The following B4GALT6 variants were observed in gnomAD, a reference collection of about 807,000 sequenced individuals.
B4GALT6 encodes beta-1,4-galactosyltransferase 6, also known as UDP-Gal:beta-GlcNAc beta-1,4-galactosyltransferase 6.
B4GALT6 carries 14 observed loss-of-function variants against 46.3 expected under a neutral mutation model. That is an observed-to-expected ratio of 0.30 (90% CI 0.20 to 0.47). The LOEUF (loss-of-function observed/expected upper bound fraction) is 0.47, where lower values mean the gene tolerates loss of function less well. B4GALT6 is among the 20% of genes least tolerant of loss of function. The pLI is 0.99. For synonymous variants in B4GALT6, 168 were observed against 162.0 expected (o/e 1.04, Z -0.28); for missense variants, 386 against 480.1 (o/e 0.80, Z 1.83).
chr18:31,636,938 AG>A (rs1220177292), intron 5 of B4GALT6, among the ~76,000 whole-genome samples: 1 of 152,214 alleles, frequency 6.6e-6, no homozygotes, highest in Non-Finnish European at 1.5e-5. Context: ...TCCCTGCCTC[AG>A]CTTCCCAAGT....
intron 1 of B4GALT6, among the ~76,000 whole-genome samples, chr18:31,673,284 G>C (rs926917790): frequency 1.3e-5 from 2 of 151,960 alleles, no homozygotes; most frequent in African/African-American, 4.8e-5. Context: ...AAAAAACAAA[G>C]GAGAGTGAAA....
At chr18:31,656,229 G>A (rs2074136919) in intron 3 of B4GALT6, among the ~76,000 whole-genome samples, 1 of 151,918 alleles carries the variant, frequency 6.6e-6, no homozygotes. Flanking sequence ...AATATGATAG[G>A]CAAAGGCTAA....
intron 1 of B4GALT6, among the ~76,000 whole-genome samples, chr18:31,674,593 A>G (rs2074395083): frequency 6.6e-6 from 1 of 152,230 alleles, no homozygotes; most frequent in East Asian, 1.9e-4. Flanking sequence ...CTAAGAATTT[A>G]TGATAATCTT....
chr18:31,642,735 G>A (rs2073945074), intron 4 of B4GALT6, among the ~76,000 whole-genome samples: 1 of 152,204 alleles, frequency 6.6e-6, no homozygotes, highest in Non-Finnish European at 1.5e-5. Context: ...CCAGTCTGGA[G>A]CGCAGTGGGC....
At chr18:31,689,971 C>T (rs147679378), upstream of B4GALT6, among the ~76,000 whole-genome samples, 10 of 152,246 alleles carry the variant, frequency 6.6e-5, no homozygotes, top group South Asian at 2.1e-4. Flanking sequence ...TTGAATTCTA[C>T]GCAGTGTTAC....
intron 5 of B4GALT6, among the ~76,000 whole-genome samples, chr18:31,631,812 T>G (rs941466138): frequency 1.3e-5 from 2 of 152,264 alleles, no homozygotes; most frequent in Middle Eastern, 3.4e-3. Context: ...AAAAAACAAT[T>G]GGAACTTACT....
At chr18:31,660,282 CA>C (rs1239074063) in intron 2 of B4GALT6, among the ~76,000 whole-genome samples, 1 of 151,868 alleles carries the variant, frequency 6.6e-6, no homozygotes, top group Non-Finnish European at 1.5e-5. Flanking sequence ...ACATATATAC[CA>C]AAATTCTTGT....
chr18:31,702,774 CTT>C, the B4GALT6 span, among the ~76,000 whole-genome samples: 1 of 152,228 alleles, frequency 6.6e-6, no homozygotes, highest in Admixed American at 6.5e-5. Context: ...CTTCTCTTCT[CTT>C]CGCTCATCTT....
intron 3 of B4GALT6, among the ~76,000 whole-genome samples, chr18:31,650,364 G>A (rs963553391): frequency 2.6e-4 from 40 of 152,192 alleles, no homozygotes; most frequent in African/African-American, 8.9e-4. Flanking sequence ...CCACCATTGG[G>A]TCCTGCCTTT....
chr18:31,692,810 A>G, the B4GALT6 span, among the ~76,000 whole-genome samples: 27 of 152,186 alleles, frequency 1.8e-4, no homozygotes, highest in Non-Finnish European at 1.0e-4. Flanking sequence ...CATTAGAACT[A>G]ACAGAAGAGA....
chr18:31,672,558 G>C (rs2074368076), intron 1 of B4GALT6, among the ~76,000 whole-genome samples: 1 of 152,162 alleles, frequency 6.6e-6, no homozygotes, highest in African/African-American at 2.4e-5. Flanking sequence ...CTAAAGAAGA[G>C]GGAGAGGTAA....
intron 1 of B4GALT6, among the ~76,000 whole-genome samples, chr18:31,668,264 C>T (rs2074306363): frequency 6.6e-6 from 1 of 152,052 alleles, no homozygotes; most frequent in African/African-American, 2.4e-5. Flanking sequence ...ACACTGGGTA[C>T]TCATGAACAA....
At chr18:31,661,305 A>G (rs2074212818) in intron 2 of B4GALT6, among the ~76,000 whole-genome samples, 1 of 152,228 alleles carries the variant, frequency 6.6e-6, no homozygotes, top group Admixed American at 6.5e-5. Flanking sequence ...AAATTGATAA[A>G]TCAAGAGACA....
intron 3 of B4GALT6, among the ~76,000 whole-genome samples, chr18:31,649,387 G>A (rs1352607655): frequency 6.6e-6 from 1 of 152,164 alleles, no homozygotes; most frequent in Admixed American, 6.5e-5. Context: ...GAATGAATGA[G>A]TAGGAAGATT....
the B4GALT6 span, among the ~76,000 whole-genome samples, chr18:31,713,002 G>C: frequency 6.6e-6 from 1 of 152,024 alleles, no homozygotes; most frequent in Non-Finnish European, 1.5e-5. Context: ...TGTTTTCCTT[G>C]CACTGTTTGG....
intron 1 of B4GALT6, among the ~76,000 whole-genome samples, chr18:31,673,101 T>A (rs540866098): frequency 1.3e-5 from 2 of 152,122 alleles, no homozygotes; most frequent in East Asian, 3.9e-4. Flanking sequence ...GTGAATAATT[T>A]CAGGCACTAA....
At chr18:31,711,161 G>A in the B4GALT6 span, among the ~76,000 whole-genome samples, 4 of 152,208 alleles carry the variant, frequency 2.6e-5, no homozygotes, top group South Asian at 8.3e-4. Flanking sequence ...AAAATGGCAT[G>A]TCACGAGCAG....
the B4GALT6 span, among the ~76,000 whole-genome samples, chr18:31,698,041 TC>T: frequency 6.6e-6 from 1 of 152,216 alleles, no homozygotes; most frequent in Non-Finnish European, 1.5e-5. Flanking sequence ...ACTATTGCTT[TC>T]CCCTCATTCT....
At chr18:31,721,002 C>A in the B4GALT6 span, among the ~76,000 whole-genome samples, 1 of 152,182 alleles carries the variant, frequency 6.6e-6, no homozygotes, top group East Asian at 1.9e-4. Flanking sequence ...GGAGTTGACA[C>A]TGGTTCATTC....
Sources: gnomAD v4.1 joint callset for allele counts (sites outside exome capture counted in the v4.1 genomes callset) on GRCh38, gnomAD v4.1.1 for gene constraint, MANE v1.5 for transcripts, NCBI Gene and HGNC (gene_info 2026-07-23, HGNC 2026-07-21) for gene names.